Variants in ANK2 observed in about 807,000 individuals in gnomAD.
The protein encoded by ANK2 is ankyrin 2.
A neutral mutation model predicts 360.5 loss-of-function variants in ANK2; 83 were observed. That is an observed-to-expected ratio of 0.23 (90% CI 0.19 to 0.28). The LOEUF (loss-of-function observed/expected upper bound fraction) is 0.28. Ranked by LOEUF, ANK2 falls within the 10% of genes least tolerant of loss-of-function variation. The pLI is 1.00. For synonymous variants in ANK2, 1,740 were observed against 1,759.5 expected, an observed-to-expected ratio of 0.99 and a Z score of 0.28; for missense variants, 4,201 against 4,795.7, an observed-to-expected ratio of 0.88 and a Z score of 3.66.
chr4:113,088,123 G>GC (rs1449837113), intron 1 of ANK2, among the ~76,000 whole-genome samples: 19 of 152,064 alleles, frequency 1.2e-4, no homozygotes, highest in African/African-American at 4.6e-4. Flanking sequence ...TAGATTTAAG[G>GC]CTGATAAATT....
At chr4:112,851,697 C>G (rs928243398) in intron 1 of ANK2, among the ~76,000 whole-genome samples, 5 of 151,754 alleles carry the variant, frequency 3.3e-5, no homozygotes, top group Non-Finnish European at 7.4e-5. Context: ...GGTCTCAGCT[C>G]ATTGCAACTT....
chr4:113,127,258 G>A (rs1009626324), intron 1 of ANK2, among the ~76,000 whole-genome samples: 2 of 151,992 alleles, frequency 1.3e-5, no homozygotes, highest in Non-Finnish European at 2.9e-5. Flanking sequence ...TCAGGGTATT[G>A]CAGTCCCTTG....
intron 23 of ANK2, among the ~76,000 whole-genome samples, chr4:113,310,828 C>G (rs189348317): frequency 6.6e-6 from 1 of 152,324 alleles, no homozygotes; most frequent in Admixed American, 6.5e-5. Context: ...TCCCCTTCAC[C>G]TTTTCATGAA....
At position 113,317,748 on chromosome 4, in the gene ANK2, A is replaced by T. The variant is rs139259028; in HGVS notation, c.2735A>T (p.His912Leu). 3 of 1,614,146 alleles carry T rather than the reference A, an allele frequency of 1.9e-6. No individual in the cohort carries two copies. The highest frequency in any genetic ancestry group is 2.5e-6 in the Non-Finnish European group (3 of 1,180,022). Residue 912 changes from histidine (H) to leucine (L), a missense_variant, in exon 25 of 46, where the codon CAT becomes CTT. Coordinates refer to ENST00000357077, the MANE Select transcript of ANK2 (RefSeq NM_001148.6). ...FSSDRSHTLS[H>L]ASYLRDSAVM... ...TCCGACAGGTCTCACACTCTGAGCC[A>T]TGCCTCCTACCTGAGGGACAGTGCC...
the ANK2 span, among the ~76,000 whole-genome samples, chr4:112,780,158 G>T: frequency 6.7e-6 from 1 of 150,110 alleles, no homozygotes; most frequent in African/African-American, 2.5e-5. Context: ...CTGCACTCTA[G>T]CCTGGGTGAC....
At chr4:112,781,624 TAAAA>T in the ANK2 span, among the ~76,000 whole-genome samples, 1 of 152,148 alleles carries the variant, frequency 6.6e-6, no homozygotes, top group African/African-American at 2.4e-5. Context: ...TTAAAAATCA[TAAAA>T]AACACACAGA....
chr4:113,235,725 C>T (rs1233804340), intron 5 of ANK2, among the ~76,000 whole-genome samples: 2 of 151,958 alleles, frequency 1.3e-5, no homozygotes, highest in African/African-American at 2.4e-5. Context: ...TGTGAGCCAC[C>T]GTGCCTGGCC....
the ANK2 span, among the ~76,000 whole-genome samples, chr4:112,766,451 G>A: frequency 7.9e-5 from 12 of 152,120 alleles, no homozygotes; most frequent in African/African-American, 2.9e-4. Context: ...TTACAAGTGA[G>A]AAAAATTCAG....
intron 1 of ANK2, among the ~76,000 whole-genome samples, chr4:113,150,242 A>G (rs1402691571): frequency 1.3e-5 from 2 of 152,106 alleles, no homozygotes; most frequent in South Asian, 4.1e-4. Flanking sequence ...GGCTAGCAGA[A>G]CCCCATCCTC....
upstream of ANK2, among the ~76,000 whole-genome samples, chr4:112,815,657 AT>A (rs552560434): frequency 1.2e-4 from 18 of 152,320 alleles, no homozygotes; most frequent in Admixed American, 5.9e-4. Flanking sequence ...CCACACCTCC[AT>A]AGAGGGGAGG....
chr4:112,872,877 T>G (rs957211926), intron 1 of ANK2, among the ~76,000 whole-genome samples: 1 of 152,184 alleles, frequency 6.6e-6, no homozygotes, highest in Non-Finnish European at 1.5e-5. Context: ...TTTTTTTTAA[T>G]TACTGAATCA....
At position 113,357,493 on chromosome 4, in the gene ANK2, G is replaced by C; in HGVS notation, c.8875G>C (p.Val2959Leu). Reference sequence around the variant, plus strand: ...CACCACAAGTTTTCACTCTTCTGAAGTGTATTCTGTTACCATCACATCCCC... The same window carrying C: ...CACCACAAGTTTTCACTCTTCTGAACTGTATTCTGTTACCATCACATCCCC... Reference protein sequence around the residue: ...NHTTSFHSSEVYSVTITSPVE... With the variant: ...NHTTSFHSSELYSVTITSPVE... The change falls in exon 38 of 46, where the codon GTG (valine) becomes CTG (leucine). Residue 2959 changes from valine (V) to leucine (L), a missense_variant. This residue lies in a region of ANK2 where 2,642 missense variants were observed against 2,714.5 expected (regional missense o/e 0.97). Coordinates refer to ENST00000357077, the MANE Select transcript of ANK2 (RefSeq NM_001148.6). 1 of 1,614,150 alleles carries C rather than the reference G, an allele frequency of 6.2e-7. No individual in the cohort carries two copies. Among genetic ancestry groups the C allele is most frequent in the East Asian group, 2.2e-5 (1 of 44,884 alleles).
At chr4:113,084,560 G>A (rs1423051765) in intron 1 of ANK2, among the ~76,000 whole-genome samples, 1 of 152,202 alleles carries the variant, frequency 6.6e-6, no homozygotes, top group Non-Finnish European at 1.5e-5. Flanking sequence ...AGATATTTTG[G>A]ATTTCTGAAA....
chr4:112,771,608 CAG>C, the ANK2 span, among the ~76,000 whole-genome samples: 1 of 147,780 alleles, frequency 6.8e-6, no homozygotes. Flanking sequence ...TTTTTTGAGA[CAG>C]AGTCTCACTC....
Position 113,358,303 on chromosome 4 carries a change from C to G in ANK2, c.9685C>G (p.Gln3229Glu), listed in dbSNP as rs758779527. The G allele has an allele frequency of 1.9e-6, 3 of 1,613,336 alleles. No homozygotes were observed. The change falls in exon 38 of 46, where the codon CAA becomes GAA. Residue 3229 changes from glutamine (Q) to glutamate (E), a missense_variant. By Grantham distance (29) the Gln-to-Glu change is conservative. This residue lies in a region of ANK2 where 2,642 missense variants were observed against 2,714.5 expected (regional missense o/e 0.97). Transcript: ENST00000357077. ...AGGGACCAAGGACCTCCCCACCGTG[C>G]AAACGGGTGATATACCTCCTCTCTC... is the stretch of plus-strand genomic sequence containing the variant. ...SVGTKDLPTV[Q>E]TGDIPPLSGV...
intron 39 of ANK2, 86 bp downstream of exon 39, chr4:113,360,983 CA>C: frequency 8.4e-7 from 1 of 1,194,666 alleles, no homozygotes; most frequent in Admixed American, 2.0e-5. Context: ...AGGTACCCCC[CA>C]CTTTCTTGAG....
At chr4:112,869,197 G>T (rs1017066956) in intron 1 of ANK2, among the ~76,000 whole-genome samples, 77 of 152,102 alleles carry the variant, frequency 5.1e-4, no homozygotes, top group African/African-American at 1.8e-3. Flanking sequence ...CAAACTCCTG[G>T]CCCTAAGTGA....
At chr4:113,113,197 C>T (rs368207381) in intron 1 of ANK2, among the ~76,000 whole-genome samples, 12 of 38,248 alleles carry the variant, frequency 3.1e-4, no homozygotes, top group African/African-American at 1.2e-3. Context: ...TTTTTTTTTT[C>T]CCTGATTAGG....
At chr4:113,162,669 T>C (rs1361028823) in intron 1 of ANK2, among the ~76,000 whole-genome samples, 1 of 151,180 alleles carries the variant, frequency 6.6e-6, no homozygotes, top group African/African-American at 2.4e-5. Flanking sequence ...CTACTGCCTC[T>C]ACATGGATCT....
Sources: gnomAD v4.1 joint callset for allele counts (sites outside exome capture counted in the v4.1 genomes callset) on GRCh38, gnomAD v4.1.1 for gene constraint, gnomAD v4.1.1 regional missense constraint, MANE v1.5 for transcripts, NCBI Gene and HGNC (gene_info 2026-07-23, HGNC 2026-07-21) for gene names.